Variants in FUT8 observed in about 807,000 individuals in gnomAD.
FUT8 encodes alpha-(1,6)-fucosyltransferase.
FUT8 carries 29 observed loss-of-function variants against 71.3 expected under a neutral mutation model. The ratio of observed to expected loss-of-function variants is 0.41; its 90% CI spans 0.30 to 0.55. The LOEUF (loss-of-function observed/expected upper bound fraction) is 0.55. Among genes scored for constraint, FUT8 ranks in the 20% least tolerant of loss-of-function variants. The pLI, the probability that FUT8 is intolerant of heterozygous loss-of-function variation, is 0.34. For synonymous variants in FUT8, 254 were observed against 239.3 expected (o/e 1.06, Z -0.57); for missense variants, 544 against 702.1 (o/e 0.77, Z 2.55).
upstream of FUT8, chr14:65,410,873 T>TTGGGCTTA (rs1231586415): frequency 5.9e-5 from 9 of 152,254 alleles, no homozygotes; most frequent in Admixed American, 5.9e-4. Flanking sequence ...CCTGGAACTC[T>TTGGGCTTA]TGGGCTTAAG....
At chr14:65,459,564 C>T (rs948304727) in intron 2 of FUT8, among the ~76,000 whole-genome samples, 1 of 152,042 alleles carries the variant, frequency 6.6e-6, no homozygotes, top group Non-Finnish European at 1.5e-5. Context: ...TAATCCCACC[C>T]ATTAGGTTAA....
chr14:65,641,767 A>G (rs1890852631), intron 6 of FUT8, among the ~76,000 whole-genome samples: 1 of 114,774 alleles, frequency 8.7e-6, no homozygotes. Context: ...TTTTTTTTTC[A>G]TTTTCCTGTA....
rs141578703 is a variant in FUT8 at position 65,643,654 on chromosome 14, T to TA, written c.597+14058dup. On this transcript the variant is annotated intron_variant, in intron 6 of 10. Coordinates refer to ENST00000673929, the MANE Select transcript of FUT8 (RefSeq NM_001371533.1). The surrounding 1 kb of genome is among the most constrained non-coding windows in gnomAD (Gnocchi z 4.5). ...GGGCGACAGAGCGAGACTCCGTCTTTAAAAAAAAAATACACACACACACAC... is the reference window on the plus strand; with the variant it reads ...GGGCGACAGAGCGAGACTCCGTCTTTAAAAAAAAAAATACACACACACACAC... Among the ~76,000 whole-genome samples, 15,315 of 117,898 alleles carry TA rather than the reference T, an allele frequency of 0.13. 1,395 individuals are homozygous for TA. Among genetic ancestry groups the TA allele is most frequent in the South Asian group, 0.24 (838 of 3,462 alleles). 77.3% of individuals were successfully genotyped at this position (117,898 alleles called of 152,430 possible).
chr14:65,370,333 G>A, the FUT8 span, among the ~76,000 whole-genome samples: 1 of 149,302 alleles, frequency 6.7e-6, no homozygotes, highest in South Asian at 2.1e-4. Flanking sequence ...TCAGCCTCCT[G>A]AGTAGCTGGG....
chr14:65,408,698 T>C (rs964078435), upstream of FUT8, among the ~76,000 whole-genome samples: 1 of 152,180 alleles, frequency 6.6e-6, no homozygotes, highest in Non-Finnish European at 1.5e-5. Context: ...AGGCAAGTCA[T>C]AGGGAGGGAT....
intron 7 of FUT8, among the ~76,000 whole-genome samples, chr14:65,677,168 G>A (rs536831034): frequency 0.055 from 6,577 of 120,136 alleles, 212 homozygotes; most frequent in Middle Eastern, 0.12. Flanking sequence ...GCGCATGCGC[G>A]CGCACGTATG....
intron 2 of FUT8, among the ~76,000 whole-genome samples, chr14:65,554,176 T>C (rs1406773396): frequency 6.6e-6 from 1 of 152,008 alleles, no homozygotes; most frequent in African/African-American, 2.4e-5. Context: ...AGTTTTTAGC[T>C]TTGTCTAATC....
intron 3 of FUT8, among the ~76,000 whole-genome samples, chr14:65,590,512 G>C (rs932428712): frequency 6.6e-6 from 1 of 152,022 alleles, no homozygotes; most frequent in South Asian, 2.1e-4. Context: ...TGACCAAACT[G>C]GGGGGGAATA....
At chr14:65,647,150 C>G (rs1891159349) in intron 6 of FUT8, among the ~76,000 whole-genome samples, 1 of 152,150 alleles carries the variant, frequency 6.6e-6, no homozygotes, top group Non-Finnish European at 1.5e-5. Flanking sequence ...TGATGTTATA[C>G]TAGGCTCAAG....
chr14:65,447,153 G>A (rs553474636), intron 1 of FUT8, among the ~76,000 whole-genome samples: 1 of 151,928 alleles, frequency 6.6e-6, no homozygotes, highest in South Asian at 2.1e-4. Context: ...AATTAGCAGG[G>A]CATGGTGGTG....
intron 3 of FUT8, among the ~76,000 whole-genome samples, chr14:65,614,807 C>A (rs1336486254): frequency 5.9e-5 from 9 of 152,244 alleles, no homozygotes; most frequent in Admixed American, 5.9e-4. Context: ...GTTTCTTTTG[C>A]CATAAAGAGT....
At chr14:65,645,257 A>G (rs1261582154) in intron 6 of FUT8, among the ~76,000 whole-genome samples, 1 of 152,224 alleles carries the variant, frequency 6.6e-6, no homozygotes, top group Non-Finnish European at 1.5e-5. Context: ...ACAAGTTACA[A>G]TTGTATAAAG....
chr14:65,526,596 C>T (rs1291042457), intron 2 of FUT8, among the ~76,000 whole-genome samples: 1 of 152,152 alleles, frequency 6.6e-6, no homozygotes, highest in South Asian at 2.1e-4. Context: ...TGAATTTGAT[C>T]CTGTCATTAT....
chr14:65,589,204 T>G (rs1887550217), intron 3 of FUT8, among the ~76,000 whole-genome samples: 1 of 152,206 alleles, frequency 6.6e-6, no homozygotes, highest in Admixed American at 6.5e-5. Flanking sequence ...TTATTTATGA[T>G]GAAATATTTA....
rs10130394 is a variant in FUT8, at chr14:65,503,796, C to G, written c.-228+48078C>G. Among the ~76,000 whole-genome samples, 382 of 152,222 alleles carry G rather than the reference C, an allele frequency of 2.5e-3. 2 individuals are homozygous for G. Among genetic ancestry groups the G allele is most frequent in the African/African-American group, 9.0e-3 (372 of 41,522 alleles). ...GACAGATAATGTGTCTCACAATTAG[C>G]TGGGGTGAGAGAGTTAAAATGGAAG... is the stretch of plus-strand genomic sequence containing the variant. On this transcript the variant is annotated intron_variant, in intron 2 of 10. Transcript: ENST00000673929.
At chr14:65,386,129 G>C in the FUT8 span, among the ~76,000 whole-genome samples, 4 of 150,970 alleles carry the variant, frequency 2.6e-5, no homozygotes, top group Non-Finnish European at 4.4e-5. Flanking sequence ...TCCAGCCTGG[G>C]TGACAGAGTA....
At chr14:65,650,160 G>C (rs774634627) in intron 6 of FUT8, among the ~76,000 whole-genome samples, 12 of 151,986 alleles carry the variant, frequency 7.9e-5, no homozygotes, top group African/African-American at 2.9e-4. Flanking sequence ...TTAGCCGGGC[G>C]TGGTGGCACG....
chr14:65,737,632 T>G (rs2139399964), intron 10 of FUT8, among the ~76,000 whole-genome samples: 1 of 152,248 alleles, frequency 6.6e-6, no homozygotes, highest in African/African-American at 2.4e-5. Flanking sequence ...TGGGATCAAT[T>G]TTTATTTTTC....
At chr14:65,387,107 G>T in the FUT8 span, among the ~76,000 whole-genome samples, 1 of 152,110 alleles carries the variant, frequency 6.6e-6, no homozygotes, top group Admixed American at 6.5e-5. Context: ...CTTCCAAAGT[G>T]CTGGGATCAC....
Sources: allele counts gnomAD v4.1 joint callset (sites outside exome capture counted in the v4.1 genomes callset), GRCh38; gene constraint gnomAD v4.1.1; non-coding constraint Gnocchi (gnomAD v3.1); transcripts MANE v1.5; gene names NCBI Gene and HGNC (gene_info 2026-07-23, HGNC 2026-07-21).